Variants in MTG1 observed in about 807,000 individuals in gnomAD.
The protein encoded by MTG1 is mitochondrial ribosome associated GTPase 1, also known as mitochondrial ribosome-associated GTPase 1.
A neutral mutation model predicts 39.5 loss-of-function variants in MTG1; 30 were observed. That is an observed-to-expected ratio of 0.76 (90% confidence interval 0.57 to 1.03). The LOEUF (loss-of-function observed/expected upper bound fraction) is 1.03, where lower values mean the gene tolerates loss of function less well. MTG1 is among the 50% of genes least tolerant of loss of function. MTG1 has a pLI of 0.00. For missense variants in MTG1, 513 were observed against 447.4 expected (o/e 1.15, Z -1.32); for synonymous variants, 217 against 179.0 (o/e 1.21, Z -1.69).
chr10:133,399,572 G>A lies in MTG1; in HGVS notation c.464G>A (p.Gly155Asp), dbSNP rs751144956. The change falls in exon 6 of 11, where the codon GGC becomes GAC. Residue 155 changes from glycine (G) to aspartate (D), a missense_variant. Gly to Asp is a moderately conservative substitution (Grantham distance 94, BLOSUM62 -1). Transcript: ENST00000317502. ...CIMVIGVPNV[G>D]KSSLINSLRR... ...ATGGTCATTGGGGTCCCCAACGTGG[G>A]CAAGTCCTCCCTCATCAACTCCCTC... 4.4e-5 allele frequency: 71 copies of A among 1,614,096 alleles called. No individual in the cohort carries two copies. Among genetic ancestry groups the A allele is most frequent in the Non-Finnish European group, 5.8e-5 (68 of 1,180,038 alleles).
intron 6 of MTG1, 132 bp downstream of exon 6, chr10:133,399,751 A>C: frequency 1.2e-6 from 1 of 863,976 alleles, no homozygotes; most frequent in Non-Finnish European, 1.9e-6. Flanking sequence ...CCGCAGCCCC[A>C]GAGCACATCT....
chr10:133,394,742 C>T, intron 1 of MTG1: 4 of 1,011,078 alleles, frequency 4.0e-6, no homozygotes, highest in South Asian at 4.2e-5. Flanking sequence ...ATGAAGGCAC[C>T]TGTTCAGTTT....
chr10:133,398,591 T>C, intron 4 of MTG1, 76 bp downstream of exon 4: 5 of 1,481,288 alleles, frequency 3.4e-6, no homozygotes, highest in Non-Finnish European at 4.6e-6. Context: ...TGTTTTATGC[T>C]TTAGTAAGAA....
rs898013939 is a variant in MTG1 at position 133,419,579 on chromosome 10, G to A, written c.852G>A (p.Val284=). 2 of 1,605,212 alleles carry A rather than the reference G, an allele frequency of 1.2e-6. No homozygotes were observed. The change falls in exon 10 of 11, where the codon GTG becomes GTA. Residue 284 remains valine, a synonymous_variant. Coordinates refer to ENST00000317502, the MANE Select transcript of MTG1 (RefSeq NM_138384.4). ...VKLGKTQKVK[V]LTGTGNVNII... ...TGGGGAAGACGCAGAAGGTGAAGGT[G>A]CTCACGGGCACGGGTGAGTGAGGTC... is the stretch of plus-strand genomic sequence containing the variant.
Position 133,395,743 on chromosome 10 carries a change from TG to T in MTG1, c.145del (p.Val49TrpfsTer52). ...GLKKMQSSLKLVDCIIEVHDA... is the reference protein window; with the variant it reads ...GLKKMQSSLKXVDCIIEVHDA... ...AAGAAGATGCAGAGCAGCCTGAAGC[TG>T]GTGGACTGTATCATCGAGGTCCACG... On this transcript the variant is annotated frameshift_variant, in exon 2 of 11. Transcript: ENST00000317502. LOFTEE classifies it high-confidence loss of function. The T allele has an allele frequency of 6.2e-7, 1 of 1,614,170 alleles. No individual in the cohort carries two copies. The highest frequency in any genetic ancestry group is 1.7e-5 in the Admixed American group (1 of 60,012).
intron 9 of MTG1, among the ~76,000 whole-genome samples, chr10:133,413,661 G>A (rs1485971328): frequency 6.6e-6 from 1 of 152,116 alleles, no homozygotes; most frequent in African/African-American, 2.4e-5. Flanking sequence ...CAACTTTTGG[G>A]AGAGGTTGCT....
At chr10:133,413,582 C>G (rs1043524501) in intron 9 of MTG1, among the ~76,000 whole-genome samples, 2 of 152,162 alleles carry the variant, frequency 1.3e-5, no homozygotes, top group African/African-American at 4.8e-5. Flanking sequence ...TTTTTCCTCT[C>G]TCTTGCCTCT....
In MTG1 at chr10:133,405,848, C is replaced by T. The variant is rs545539237; in HGVS notation, c.752+3075C>T. Among the ~76,000 whole-genome samples the T allele has an allele frequency of 1.7e-4, 26 of 152,172 alleles. 1 individual carries two copies. The highest frequency in any genetic ancestry group is 3.2e-4 in the Non-Finnish European group (22 of 68,040). ...TGATTTCCATTCTTTTGGGTCTATA[C>T]CCAGTAGTGGGATTGCTGGATCCTA... On this transcript the variant is annotated intron_variant, in intron 9 of 10. Transcript: ENST00000317502.
At chr10:133,395,678 G>A in intron 1 of MTG1, 35 bp from the exon 2 acceptor site, 1 of 1,609,932 alleles carries the variant, frequency 6.2e-7, no homozygotes, top group Non-Finnish European at 8.5e-7. Context: ...GAAAGGTTGT[G>A]AGCCCCTTCG....
At chr10:133,415,525 A>G (rs902919184) in intron 9 of MTG1, among the ~76,000 whole-genome samples, 1 of 148,044 alleles carries the variant, frequency 6.8e-6, no homozygotes, top group African/African-American at 2.5e-5. Context: ...GTCTGCGGTC[A>G]TGTTTGTTTG....
chr10:133,395,776 G>A lies in MTG1; in HGVS notation c.176G>A (p.Arg59Gln), dbSNP rs749612920. 5.3e-5 allele frequency: 85 copies of A among 1,613,792 alleles called. No individual in the cohort carries two copies. Among genetic ancestry groups the A allele is most frequent in the Non-Finnish European group, 6.6e-5 (78 of 1,179,892 alleles). The change falls in exon 2 of 11, where the codon CGG (arginine) becomes CAG (glutamine). Residue 59 changes from arginine (R) to glutamine (Q), a missense_variant and splice_region_variant. Arg to Gln is a conservative substitution (Grantham distance 43, BLOSUM62 1). Transcript: ENST00000317502. Reference protein sequence around the residue: ...VDCIIEVHDARIPLSGRNPLF... With the variant: ...VDCIIEVHDAQIPLSGRNPLF... ...TGTATCATCGAGGTCCACGATGCCC[G>A]GATATCCTTTCACAGAGCAGGGGAG...
chr10:133,408,344 T>A (rs1367824592), intron 9 of MTG1, among the ~76,000 whole-genome samples: 1 of 152,224 alleles, frequency 6.6e-6, no homozygotes, highest in African/African-American at 2.4e-5. Context: ...TGGTTCTGTT[T>A]AATGTTATAT....
chr10:133,419,512 G>A lies in MTG1; in HGVS notation c.785G>A (p.Cys262Tyr). Residue 262 changes from cysteine (C) to tyrosine (Y), a missense_variant, in exon 10 of 11, where the codon TGT (cysteine) becomes TAT (tyrosine). Cys to Tyr is a radical substitution (Grantham distance 194, BLOSUM62 -2). Coordinates refer to ENST00000317502, the MANE Select transcript of MTG1 (RefSeq NM_138384.4). The part of the protein sequence containing the change: ...YVQHYGLGSA[C>Y]DNVERVLKSV... The stretch of plus-strand genomic sequence containing the variant: ...CAGCACTACGGCCTGGGCAGTGCCT[G>A]TGACAACGTAGAGCGCGTGCTGAAG... 1 of 1,608,062 alleles carries A rather than the reference G, an allele frequency of 6.2e-7. No individual in the cohort carries two copies. Among genetic ancestry groups the A allele is most frequent in the African/African-American group, 1.3e-5 (1 of 74,974 alleles).
intron 6 of MTG1, 137 bp from the exon 7 acceptor site, chr10:133,401,392 T>C (rs1393323907): frequency 1.5e-6 from 1 of 655,212 alleles, no homozygotes; most frequent in Non-Finnish European, 2.5e-6. Flanking sequence ...GTCTCCCTGC[T>C]TGGCTGGTAA....
At chr10:133,394,833 C>T (rs1290369966) in intron 1 of MTG1, 2 of 771,812 alleles carry the variant, frequency 2.6e-6, no homozygotes, top group African/African-American at 1.9e-5. Context: ...CCAAGAAGAC[C>T]TCTGGGGCCA....
At chr10:133,400,603 C>G (rs1849860697) in intron 6 of MTG1, among the ~76,000 whole-genome samples, 1 of 152,194 alleles carries the variant, frequency 6.6e-6, no homozygotes, top group Admixed American at 6.5e-5. Flanking sequence ...CTAATTGGAG[C>G]ATTGTTACAG....
At chr10:133,396,075 A>G in intron 2 of MTG1, 88 bp from the exon 3 acceptor site, 1 of 1,200,458 alleles carries the variant, frequency 8.3e-7, no homozygotes, top group Non-Finnish European at 1.2e-6. Context: ...ATGAATTGGC[A>G]GGATGTGATG....
At position 133,419,533 on chromosome 10, in the gene MTG1, T is replaced by C. The variant is rs1403445885; in HGVS notation, c.806T>C (p.Leu269Pro). Residue 269 changes from leucine (L) to proline (P), a missense_variant, in exon 10 of 11, where the codon CTG (leucine) becomes CCG (proline). Coordinates refer to ENST00000317502, the MANE Select transcript of MTG1 (RefSeq NM_138384.4). ...GSACDNVERV[L>P]KSVAVKLGKT... ...GCCTGTGACAACGTAGAGCGCGTGC[T>C]GAAGAGTGTGGCTGTGAAGCTGGGG... The C allele has an allele frequency of 3.7e-6, 6 of 1,610,444 alleles. No individual in the cohort carries two copies. The highest frequency in any genetic ancestry group is 1.3e-5 in the African/African-American group (1 of 74,874).
intron 9 of MTG1, among the ~76,000 whole-genome samples, chr10:133,409,901 T>TC (rs572500509): frequency 1.2e-5 from 1 of 82,502 alleles, no homozygotes; most frequent in Non-Finnish European, 2.5e-5. Context: ...ATTCCTGCTC[T>TC]TTTTTTTTTT....
Sources: gnomAD v4.1 joint callset for allele counts (sites outside exome capture counted in the v4.1 genomes callset) on GRCh38, gnomAD v4.1.1 for gene constraint, MANE v1.5 for transcripts, NCBI Gene and HGNC (gene_info 2026-07-23, HGNC 2026-07-21) for gene names.